Variants in EFCAB7 observed in about 807,000 individuals in gnomAD.
EFCAB7 encodes the protein EF-hand calcium binding domain 7, also known as EF-hand calcium-binding domain-containing protein 7.
EFCAB7 carries 66 observed loss-of-function variants against 77.1 expected under a neutral mutation model. The ratio of observed to expected loss-of-function variants is 0.86; its 90% CI spans 0.70 to 1.05. EFCAB7 has a LOEUF of 1.05. Ranked by LOEUF, EFCAB7 falls within the 50% of genes least tolerant of loss-of-function variation. EFCAB7 has a pLI of 0.00. For synonymous variants in EFCAB7, 225 were observed against 243.3 expected (o/e 0.92, Z 0.70); for missense variants, 638 against 730.5 (o/e 0.87, Z 1.46).
At chr1:63,555,312 A>G (rs373756430) in intron 8 of EFCAB7, 46 bp from the exon 9 acceptor site, 13 of 1,517,194 alleles carry the variant, frequency 8.6e-6, no homozygotes, top group Middle Eastern at 3.5e-4. Context: ...TAAAAGATGA[A>G]AAGATTAAGA....
At chr1:63,576,266 G>A (rs562700822), downstream of EFCAB7, among the ~76,000 whole-genome samples, 134 of 152,224 alleles carry the variant, frequency 8.8e-4, no homozygotes, top group African/African-American at 3.2e-3. Flanking sequence ...GATCACCTGA[G>A]GTCAGGAGTT....
At chr1:63,552,046 G>A (rs1266055996) in intron 8 of EFCAB7, among the ~76,000 whole-genome samples, 1 of 151,384 alleles carries the variant, frequency 6.6e-6, no homozygotes, top group Non-Finnish European at 1.5e-5. Flanking sequence ...TGTTTGCTGC[G>A]ATTTCTTAAG....
chr1:63,576,920 C>T (rs1374495596), downstream of EFCAB7, among the ~76,000 whole-genome samples: 1 of 151,704 alleles, frequency 6.6e-6, no homozygotes, highest in African/African-American at 2.4e-5. Flanking sequence ...GAGGCCGAGG[C>T]AGGCGGATCA....
chr1:63,526,796 G>T (rs543949570), intron 2 of EFCAB7, among the ~76,000 whole-genome samples: 197 of 151,132 alleles, frequency 1.3e-3, no homozygotes, highest in African/African-American at 3.9e-3. Flanking sequence ...ACGGAGTCTT[G>T]CTCTGTCTTC....
At chr1:63,565,976 C>A (rs1300255370) in intron 11 of EFCAB7, among the ~76,000 whole-genome samples, 1 of 152,138 alleles carries the variant, frequency 6.6e-6, no homozygotes, top group African/African-American at 2.4e-5. Context: ...AAATACCATT[C>A]AATCCAGCAA....
rs756555749 is a variant in EFCAB7 at position 63,570,178 on chromosome 1, A to AG, written c.1708-842dup. The AG allele has an allele frequency of 3.3e-5, 5 of 152,364 alleles. No homozygotes were observed. The East Asian group carries it at 9.6e-4, about 29-fold the overall frequency. 9.4% of individuals were successfully genotyped at this position (152,364 alleles called of 1,614,324 possible). On this transcript the variant is annotated intron_variant, in intron 12 of 13. Transcript: ENST00000371088. Reference sequence around the variant, plus strand: ...GCAAATGATTACACAGCTAAGTAGTAGAAGAGTTGACAAATAAATTCAGGT... The same window carrying AG: ...GCAAATGATTACACAGCTAAGTAGTAGGAAGAGTTGACAAATAAATTCAGGT...
chr1:63,551,525 A>C (rs1056291455), intron 7 of EFCAB7, among the ~76,000 whole-genome samples, 200 bp from the exon 8 acceptor site: 4 of 152,064 alleles, frequency 2.6e-5, no homozygotes, highest in African/African-American at 9.7e-5. Context: ...CGGGAGGTGG[A>C]GGTTGCAGTG....
intron 11 of EFCAB7, among the ~76,000 whole-genome samples, chr1:63,566,870 ATTATT>A (rs778367225): frequency 1.3e-5 from 2 of 149,182 alleles, no homozygotes; most frequent in Admixed American, 6.7e-5. Flanking sequence ...ATATTTTATA[ATTATT>A]TTATTTTATA....
At chr1:63,582,433 G>A in the EFCAB7 span, among the ~76,000 whole-genome samples, 2 of 152,172 alleles carry the variant, frequency 1.3e-5, no homozygotes, top group Non-Finnish European at 2.9e-5. Context: ...TCATAACACC[G>A]TTGCTGCAGC....
intron 11 of EFCAB7, 30 bp downstream of exon 11, chr1:63,561,887 GTTTAATGT>G (rs754856798): frequency 6.7e-7 from 1 of 1,497,124 alleles, no homozygotes; most frequent in Non-Finnish European, 8.9e-7. Context: ...TTGCCAATGG[GTTTAATGT>G]ACATAATATT....
chr1:63,528,889 T>C (rs1557668743), intron 2 of EFCAB7, among the ~76,000 whole-genome samples: 1 of 152,148 alleles, frequency 6.6e-6, no homozygotes, highest in Non-Finnish European at 1.5e-5. Context: ...CCTTTATTAT[T>C]AGTAGCAGTA....
the EFCAB7 span, among the ~76,000 whole-genome samples, chr1:63,580,914 A>G: frequency 6.6e-6 from 1 of 151,450 alleles, no homozygotes; most frequent in East Asian, 1.9e-4. Context: ...ATATCCTGAG[A>G]CCCTTGTTAA....
intron 11 of EFCAB7, among the ~76,000 whole-genome samples, chr1:63,562,688 T>G (rs78558200): frequency 6.7e-6 from 1 of 149,424 alleles, no homozygotes; most frequent in Non-Finnish European, 1.5e-5. Context: ...TTTTTTTTTT[T>G]GTAGAGATGG....
At chr1:63,583,679 T>C in the EFCAB7 span, among the ~76,000 whole-genome samples, 1 of 151,946 alleles carries the variant, frequency 6.6e-6, no homozygotes, top group Non-Finnish European at 1.5e-5. Flanking sequence ...AGAGAAACCA[T>C]GATATGAAGC....
chr1:63,577,211 GACTT>G (rs938768372), downstream of EFCAB7, among the ~76,000 whole-genome samples: 6 of 150,778 alleles, frequency 4.0e-5, no homozygotes, highest in African/African-American at 1.5e-4. Context: ...TAACAAAAAA[GACTT>G]ACATATGATA....
At position 63,533,447 on chromosome 1, in the gene EFCAB7, C is replaced by A; in HGVS notation, c.487-7C>A. ...GTTTTACCCACTGGACTTTTTTTTT[C>A]CTGTAGTTTTGTAAATTATATATGA... On this transcript the variant is annotated splice_region_variant and splice_polypyrimidine_tract_variant and intron_variant, in intron 4 of 13. Transcript: ENST00000371088. The A allele has an allele frequency of 6.3e-7, 1 of 1,585,468 alleles. No homozygotes were observed. Among genetic ancestry groups the A allele is most frequent in the South Asian group, 1.2e-5 (1 of 85,606 alleles).
chr1:63,533,430 C>T, intron 4 of EFCAB7, 24 bp from the exon 5 acceptor site: 1 of 1,581,418 alleles, frequency 6.3e-7, no homozygotes, highest in Admixed American at 1.9e-5. Context: ...ATGTTTTACC[C>T]ACTGGACTTT....
In EFCAB7 at chr1:63,572,492, T is replaced by A. The variant is rs757409687; in HGVS notation, c.1866T>A (p.Tyr622Ter). 1.3e-6 allele frequency: 2 copies of A among 1,530,482 alleles called. No homozygotes were observed. Among genetic ancestry groups the A allele is most frequent in the African/African-American group, 2.8e-5 (2 of 71,346 alleles). 94.8% of individuals were successfully genotyped at this position (1,530,482 alleles called of 1,614,324 possible). A position where few individuals can be genotyped will look rare whatever the true frequency, so the allele number is the denominator to read the frequency against. Residue 622 changes from tyrosine to a stop codon, truncating the protein, a stop_gained, in exon 14 of 14, where the codon TAT (tyrosine) becomes TAA (stop). Transcript: ENST00000371088. LOFTEE classifies it high-confidence loss of function. Reference sequence around the variant, plus strand: ...ATGAACGACAAGAATGGATATATTATTGTATATATTCTCTTATTTCTTAAA... The same window carrying A: ...ATGAACGACAAGAATGGATATATTAATGTATATATTCTCTTATTTCTTAAA... Reference protein sequence around the residue: ...PLNERQEWIYYCIYSLIS With the variant: ...PLNERQEWIY
At chr1:63,559,902 T>C (rs1480361706) in intron 10 of EFCAB7, among the ~76,000 whole-genome samples, 1 of 152,196 alleles carries the variant, frequency 6.6e-6, no homozygotes, top group Admixed American at 6.5e-5. Flanking sequence ...ATTTCACCAT[T>C]ACCACACTGT....
Sources: allele counts gnomAD v4.1 joint callset (sites outside exome capture counted in the v4.1 genomes callset), GRCh38; gene constraint gnomAD v4.1.1; transcripts MANE v1.5; gene names NCBI Gene and HGNC (gene_info 2026-07-23, HGNC 2026-07-21).